The following TRPM6 variants were observed in gnomAD, a reference collection of about 807,000 sequenced individuals.
TRPM6 encodes transient receptor potential cation channel subfamily M member 6.
A neutral mutation model predicts 247.6 loss-of-function variants in TRPM6; 111 were observed. The ratio of observed to expected loss-of-function variants is 0.45; its 90% CI spans 0.38 to 0.52. The LOEUF (loss-of-function observed/expected upper bound fraction) is 0.52. TRPM6 is among the 20% of genes least tolerant of loss of function. TRPM6 has a pLI of 0.00. For missense variants in TRPM6, 2,126 were observed against 2,421.5 expected (o/e 0.88, Z 2.56); for synonymous variants, 892 against 853.8 (o/e 1.04, Z -0.78).
intron 23 of TRPM6, among the ~76,000 whole-genome samples, chr9:74,779,382 T>C (rs1437122606): frequency 6.6e-6 from 1 of 152,236 alleles, no homozygotes; most frequent in African/African-American, 2.4e-5. Context: ...CTAAAATGGT[T>C]GGGCTAAGAG....
At chr9:74,825,201 G>T (rs1829288403) in intron 7 of TRPM6, among the ~76,000 whole-genome samples, 1 of 152,180 alleles carries the variant, frequency 6.6e-6, no homozygotes, top group Admixed American at 6.5e-5. Context: ...GGCAGAGGTT[G>T]CAGTGAACTG....
chr9:74,879,776 A>C (rs948527266), intron 1 of TRPM6, among the ~76,000 whole-genome samples: 8 of 152,298 alleles, frequency 5.3e-5, no homozygotes, highest in African/African-American at 9.6e-5. Context: ...AGCCCTGTGC[A>C]TCTCTTCATC....
chr9:74,788,277 A>C (rs1362700952), intron 20 of TRPM6, among the ~76,000 whole-genome samples: 1 of 152,208 alleles, frequency 6.6e-6, no homozygotes, highest in Non-Finnish European at 1.5e-5. Context: ...CAAACAAACA[A>C]AAAAACTTGG....
intron 5 of TRPM6, 120 bp downstream of exon 5, chr9:74,839,892 AGGAGGGAGGGAG>A (rs1224406992): frequency 2.5e-4 from 52 of 210,770 alleles, no homozygotes; most frequent in Non-Finnish European, 3.6e-4. Context: ...GAAGGAAGGA[AGGAGGGAGGGAG>A]GGAGGGAGGG....
At chr9:74,756,695 A>T (rs1041554057) in intron 27 of TRPM6, among the ~76,000 whole-genome samples, 9 of 150,978 alleles carry the variant, frequency 6.0e-5, no homozygotes, top group Non-Finnish European at 1.2e-4. Flanking sequence ...AAAAAAAAAA[A>T]AAAAAAATAG....
At chr9:74,743,783 G>GATCT (rs749481610) in intron 32 of TRPM6, among the ~76,000 whole-genome samples, 2 of 152,174 alleles carry the variant, frequency 1.3e-5, no homozygotes, top group African/African-American at 2.4e-5. Context: ...AAAACATTGA[G>GATCT]ATCTCTGGCT....
intron 1 of TRPM6, among the ~76,000 whole-genome samples, chr9:74,883,167 C>T (rs577440023): frequency 1.3e-5 from 2 of 152,222 alleles, no homozygotes; most frequent in African/African-American, 4.8e-5. Context: ...CAAGGTTCAT[C>T]CATGTTGTAG....
intron 1 of TRPM6, chr9:74,875,309 G>A (rs748093285): frequency 2.2e-5 from 10 of 452,560 alleles, no homozygotes; most frequent in South Asian, 3.1e-5. Flanking sequence ...TTGGGAGACC[G>A]AGGTGGGTGG....
chr9:74,853,135 C>G (rs1049266056), intron 3 of TRPM6, among the ~76,000 whole-genome samples: 8 of 151,464 alleles, frequency 5.3e-5, no homozygotes, highest in African/African-American at 1.9e-4. Flanking sequence ...TGTCTCTGCT[C>G]GACCGCCACC....
chr9:74,755,195 A>G (rs1826392765), intron 28 of TRPM6, among the ~76,000 whole-genome samples, 158 bp downstream of exon 28: 1 of 152,158 alleles, frequency 6.6e-6, no homozygotes, highest in Admixed American at 6.5e-5. Flanking sequence ...ATAAAAATGA[A>G]AAACAGAAAA....
chr9:74,792,495 A>C, intron 19 of TRPM6, 129 bp downstream of exon 19: 1 of 992,538 alleles, frequency 1.0e-6, no homozygotes, highest in South Asian at 1.3e-5. Flanking sequence ...CTACTTTGTC[A>C]TGCCCTCACT....
At position 74,750,696 on chromosome 9, in the gene TRPM6, A is replaced by G. The variant is rs1384262344; in HGVS notation, c.5025T>C (p.Asn1675=). The G allele has an allele frequency of 6.2e-7, 1 of 1,613,962 alleles. No homozygotes were observed. The highest frequency in any genetic ancestry group is 1.7e-5 in the Admixed American group (1 of 60,020). Residue 1675 remains asparagine (N), a synonymous_variant, in exon 30 of 39, where the codon AAT becomes AAC. Transcript: ENST00000360774. Reference sequence around the variant, plus strand: ...TCCTATTGAGGTTGGTGCTCCTGGAATTCCACAAAGAGTTTTTGCTGAGAT... The same window carrying G: ...TCCTATTGAGGTTGGTGCTCCTGGAGTTCCACAAAGAGTTTTTGCTGAGAT... ...QEDLSKNSLW[N]SRSTNLNRNS...
At chr9:74,751,527 T>C (rs1826246331) in intron 29 of TRPM6, among the ~76,000 whole-genome samples, 1 of 152,224 alleles carries the variant, frequency 6.6e-6, no homozygotes, top group Non-Finnish European at 1.5e-5. Flanking sequence ...ATAAAGGTCA[T>C]GTCTCAACAG....
intron 15 of TRPM6, among the ~76,000 whole-genome samples, chr9:74,802,724 C>CA (rs1828388901): frequency 6.6e-6 from 1 of 152,160 alleles, no homozygotes; most frequent in Non-Finnish European, 1.5e-5. Flanking sequence ...AACATGTATC[C>CA]AAATAGATTG....
intron 1 of TRPM6, among the ~76,000 whole-genome samples, chr9:74,863,835 C>T (rs1190513344): frequency 6.6e-6 from 1 of 151,878 alleles, no homozygotes. Context: ...ATCCGCCCAA[C>T]TCGGCCTCCC....
chr9:74,879,769 C>G (rs1044113534), intron 1 of TRPM6, among the ~76,000 whole-genome samples: 2 of 152,110 alleles, frequency 1.3e-5, no homozygotes, highest in Non-Finnish European at 2.9e-5. Flanking sequence ...CATACCTAGC[C>G]CTGTGCATCT....
chr9:74,856,964 A>C (rs1034731106), intron 2 of TRPM6, among the ~76,000 whole-genome samples: 2 of 152,238 alleles, frequency 1.3e-5, no homozygotes, highest in Admixed American at 6.5e-5. Context: ...ACATTCATGG[A>C]ATTACAATCG....
chr9:74,761,635 C>T (rs1826635505), intron 27 of TRPM6, 61 bp downstream of exon 27: 1 of 1,004,068 alleles, frequency 1.0e-6, no homozygotes, highest in Non-Finnish European at 1.6e-6. Context: ...ATAAATCAAA[C>T]TAAGATAGGC....
At chr9:74,774,493 A>G (rs904645917) in intron 24 of TRPM6, among the ~76,000 whole-genome samples, 2 of 152,110 alleles carry the variant, frequency 1.3e-5, no homozygotes, top group Non-Finnish European at 2.9e-5. Context: ...AGAAAAAAAA[A>G]TCTTCAAAGT....
Sources: allele counts gnomAD v4.1 joint callset (sites outside exome capture counted in the v4.1 genomes callset), GRCh38; gene constraint gnomAD v4.1.1; transcripts MANE v1.5; gene names NCBI Gene and HGNC (gene_info 2026-07-23, HGNC 2026-07-21).